Variants in ATAD2B observed in about 807,000 individuals in gnomAD.
ATAD2B encodes the protein ATPase family AAA domain containing 2B, also known as ATPase family AAA domain-containing protein 2B.
A neutral mutation model predicts 167.6 loss-of-function variants in ATAD2B; 40 were observed. The ratio of observed to expected loss-of-function variants is 0.24; its 90% CI spans 0.19 to 0.31. The LOEUF is 0.31. Among genes scored for constraint, ATAD2B ranks in the 10% least tolerant of loss-of-function variants. The pLI, the probability that ATAD2B is intolerant of heterozygous loss-of-function variation, is 1.00. For missense variants in ATAD2B, 1,242 were observed against 1,757.2 expected (o/e 0.71, Z 5.24); for synonymous variants, 579 against 596.5 (o/e 0.97, Z 0.43).
At chr2:23,763,733 G>A (rs561747307) in intron 23 of ATAD2B, among the ~76,000 whole-genome samples, 1 of 152,256 alleles carries the variant, frequency 6.6e-6, no homozygotes, top group African/African-American at 2.4e-5. Context: ...GGGATCACAA[G>A]TGTACACCAC....
chr2:23,738,185 G>A, the ATAD2B span, among the ~76,000 whole-genome samples: 1 of 152,130 alleles, frequency 6.6e-6, no homozygotes, highest in Non-Finnish European at 1.5e-5. Context: ...TTCAGATTCA[G>A]GAAATACAGA....
At chr2:23,857,844 C>G (rs1185574489) in intron 12 of ATAD2B, among the ~76,000 whole-genome samples, 2 of 150,444 alleles carry the variant, frequency 1.3e-5, no homozygotes, top group Non-Finnish European at 2.9e-5. Context: ...CAGATTCACA[C>G]CATTCTCCTG....
At chr2:23,849,751 C>T (rs1165038994) in intron 13 of ATAD2B, among the ~76,000 whole-genome samples, 1 of 152,120 alleles carries the variant, frequency 6.6e-6, no homozygotes, top group Non-Finnish European at 1.5e-5. Context: ...TCACTTGAAC[C>T]TTGGAGGCGG....
At chr2:23,812,602 C>T (rs946336866) in intron 17 of ATAD2B, among the ~76,000 whole-genome samples, 3 of 152,136 alleles carry the variant, frequency 2.0e-5, no homozygotes. Flanking sequence ...GTGGCTCACG[C>T]CTGTAATCCC....
chr2:23,696,580 A>G, the ATAD2B span: 1 of 1,284,742 alleles, frequency 7.8e-7, no homozygotes, highest in Non-Finnish European at 1.1e-6. This position sits in a 1 kb window ranked among gnomAD's most constrained non-coding sequence, Gnocchi z 5.5. Flanking sequence ...CACGTCACTC[A>G]CTGTACCTCC....
intron 22 of ATAD2B, among the ~76,000 whole-genome samples, chr2:23,778,119 T>C (rs1158734129): frequency 6.6e-6 from 1 of 151,264 alleles, no homozygotes; most frequent in African/African-American, 2.5e-5. Context: ...CAAGTGGTTC[T>C]GTTGCTAAGA....
intron 23 of ATAD2B, among the ~76,000 whole-genome samples, chr2:23,764,031 A>G (rs1358237021): frequency 6.6e-6 from 1 of 152,174 alleles, no homozygotes; most frequent in Non-Finnish European, 1.5e-5. Flanking sequence ...GGTTGTTTCC[A>G]GTTTGTGGTT....
chr2:23,849,177 A>T (rs377086327), intron 13 of ATAD2B, among the ~76,000 whole-genome samples: 11 of 152,346 alleles, frequency 7.2e-5, no homozygotes, highest in Admixed American at 7.2e-4. Flanking sequence ...TAAAATTAAG[A>T]GACAATGCAA....
chr2:23,874,068 C>T (rs926041141), intron 8 of ATAD2B, among the ~76,000 whole-genome samples: 6 of 151,808 alleles, frequency 4.0e-5, no homozygotes. Flanking sequence ...ATGCCTGTAA[C>T]CCCAGCTAGT....
Position 23,888,393 on chromosome 2 carries a change from A to G in ATAD2B, c.375T>C (p.Thr125=). ...TTGGTAATGTAGCACCAGGCTGAGA[A>G]GTTAACCTAGAACACAATAATATTT... ...WNLSTGQARL[T]SQPGATLPNG... is the part of the protein sequence containing the mutation. Residue 125 remains threonine (T), a synonymous_variant, in exon 3 of 28, where the codon ACT becomes ACC. Coordinates refer to ENST00000238789, the MANE Select transcript of ATAD2B (RefSeq NM_017552.4). The G allele has an allele frequency of 6.3e-7, 1 of 1,587,618 alleles. No homozygotes were observed. The highest frequency in any genetic ancestry group is 8.6e-7 in the Non-Finnish European group (1 of 1,166,530).
chr2:23,701,987 T>G, the ATAD2B span, among the ~76,000 whole-genome samples: 1 of 151,556 alleles, frequency 6.6e-6, no homozygotes, highest in African/African-American at 2.4e-5. Flanking sequence ...TAATTTTTTT[T>G]TTTTTTTGTA....
Position 23,823,427 on chromosome 2 carries a change from G to A in ATAD2B, c.1962C>T (p.Tyr654=). 1.9e-6 allele frequency: 3 copies of A among 1,613,994 alleles called. No homozygotes were observed. Among genetic ancestry groups the A allele is most frequent in the Non-Finnish European group, 2.5e-6 (3 of 1,179,894 alleles). ...SSIVLSAQDF[Y]HAMQNIVPAS... is the part of the protein sequence containing the mutation. ...CAGGCACGATATTCTGCATTGCATG[G>A]TAAAAATCTTGGGCACTAAGCACTA... Residue 654 remains tyrosine (Y), a synonymous_variant, in exon 16 of 28, where the codon TAC becomes TAT. Coordinates refer to ENST00000238789, the MANE Select transcript of ATAD2B (RefSeq NM_017552.4).
intron 1 of ATAD2B, among the ~76,000 whole-genome samples, chr2:23,920,532 T>C (rs1443192015): frequency 6.6e-6 from 1 of 152,194 alleles, no homozygotes; most frequent in East Asian, 1.9e-4. Context: ...TATTGAGCAT[T>C]TTCAGCACTG....
chr2:23,684,941 C>T, the ATAD2B span, among the ~76,000 whole-genome samples: 7 of 152,234 alleles, frequency 4.6e-5, no homozygotes, highest in East Asian at 1.3e-3. This position sits in a 1 kb window ranked among gnomAD's most constrained non-coding sequence, Gnocchi z 4.4. Flanking sequence ...TCCCCAGTGC[C>T]ATCGTCCCTG....
the ATAD2B span, chr2:23,684,526 C>T: frequency 2.6e-6 from 4 of 1,547,798 alleles, no homozygotes; most frequent in Non-Finnish European, 1.7e-6. The surrounding 1 kb of genome is among the most constrained non-coding windows in gnomAD (Gnocchi z 4.4). Flanking sequence ...ATTTCAAGGA[C>T]CTGATTCAAA....
At chr2:23,819,327 C>T (rs1291591922) in intron 17 of ATAD2B, among the ~76,000 whole-genome samples, 1 of 152,064 alleles carries the variant, frequency 6.6e-6, no homozygotes, top group African/African-American at 2.4e-5. Context: ...CCCATCTCTA[C>T]TAAAAATGCA....
intron 11 of ATAD2B, among the ~76,000 whole-genome samples, 167 bp downstream of exon 11, chr2:23,864,642 G>A (rs908646863): frequency 6.6e-6 from 1 of 152,124 alleles, no homozygotes; most frequent in African/African-American, 2.4e-5. Context: ...AACATACTTA[G>A]TTCCATGGCC....
rs751265937 is a variant in ATAD2B, at chr2:23,810,518, G to A, written c.2268-16C>T. ...ATATGGTGACCTGTAATACATGTAAGACATAATTATTTCAAAGGCATACAT... is the reference window on the plus strand; with the variant it reads ...ATATGGTGACCTGTAATACATGTAAAACATAATTATTTCAAAGGCATACAT... On this transcript the variant is annotated splice_polypyrimidine_tract_variant and intron_variant, in intron 17 of 27. Coordinates refer to ENST00000238789, the MANE Select transcript of ATAD2B (RefSeq NM_017552.4). The A allele has an allele frequency of 1.3e-6, 2 of 1,593,600 alleles. No individual in the cohort carries two copies. Among genetic ancestry groups the A allele is most frequent in the Non-Finnish European group, 1.7e-6 (2 of 1,164,708 alleles).
intron 8 of ATAD2B, among the ~76,000 whole-genome samples, chr2:23,874,886 C>T (rs925574208): frequency 2.0e-5 from 3 of 150,862 alleles, no homozygotes; most frequent in Admixed American, 6.6e-5. Context: ...GAAATCCCAT[C>T]TCTACTAAAA....
Sources: allele counts gnomAD v4.1 joint callset (sites outside exome capture counted in the v4.1 genomes callset), GRCh38; gene constraint gnomAD v4.1.1; non-coding constraint Gnocchi (gnomAD v3.1); transcripts MANE v1.5; gene names NCBI Gene and HGNC (gene_info 2026-07-23, HGNC 2026-07-21).